Variants in CMSS1 observed in about 807,000 individuals in gnomAD.
CMSS1 encodes cms1 ribosomal small subunit homolog, also known as protein CMSS1.
In CMSS1, 33 loss-of-function variants were observed where a neutral mutation model predicts 43.5. That is an observed-to-expected ratio of 0.76 (90% CI 0.57 to 1.01). The LOEUF is 1.01. CMSS1 is among the 50% of genes least tolerant of loss of function. The probability of loss-of-function intolerance (pLI) is 0.00; values close to 1 mark genes in which losing one functional copy is unlikely to be tolerated. For missense variants in CMSS1, 313 were observed against 326.4 expected (o/e 0.96, Z 0.32); for synonymous variants, 115 against 117.2 (o/e 0.98, Z 0.12).
At chr3:99,915,446 A>T (rs1018001038) in intron 1 of CMSS1, among the ~76,000 whole-genome samples, 1 of 152,142 alleles carries the variant, frequency 6.6e-6, no homozygotes, top group Non-Finnish European at 1.5e-5. Context: ...TAGTGTGAGG[A>T]TTTTTGACAG....
chr3:99,962,623 TAATAAC>T (rs1450379365), intron 1 of CMSS1, among the ~76,000 whole-genome samples: 1 of 152,174 alleles, frequency 6.6e-6, no homozygotes, highest in Non-Finnish European at 1.5e-5. Context: ...TTATAATTAA[TAATAAC>T]AACAACAACA....
intron 6 of CMSS1, 95 bp from the exon 7 acceptor site, chr3:100,171,744 C>A: frequency 2.1e-6 from 2 of 970,310 alleles, no homozygotes; most frequent in Non-Finnish European, 3.3e-6. Context: ...CGTATGCACA[C>A]ATCCTTTGAA....
At chr3:99,927,369 T>G (rs1559691114) in intron 1 of CMSS1, among the ~76,000 whole-genome samples, 1 of 151,634 alleles carries the variant, frequency 6.6e-6, no homozygotes, top group Non-Finnish European at 1.5e-5. Context: ...ATATTTTCTT[T>G]CTGTTTTTTT....
intron 1 of CMSS1, among the ~76,000 whole-genome samples, chr3:99,829,219 G>A (rs980102436): frequency 9.5e-5 from 11 of 115,222 alleles, no homozygotes; most frequent in Non-Finnish European, 1.8e-4. Context: ...GTTTAGTGTC[G>A]TTCCATTGAT....
chr3:100,147,265 C>CTTTTTTTTT (rs71132514), intron 2 of CMSS1, among the ~76,000 whole-genome samples: 7 of 86,828 alleles, frequency 8.1e-5, no homozygotes, highest in Non-Finnish European at 1.6e-4. Flanking sequence ...AATTCTTTTT[C>CTTTTTTTTT]TTTTTTTTTT....
At chr3:99,844,216 A>G (rs1423508492) in intron 1 of CMSS1, among the ~76,000 whole-genome samples, 1 of 152,190 alleles carries the variant, frequency 6.6e-6, no homozygotes, top group African/African-American at 2.4e-5. Flanking sequence ...ACAATTAACC[A>G]GCAGAAGAGT....
At chr3:99,930,700 G>A in intron 1 of CMSS1, 2 of 1,542,794 alleles carry the variant, frequency 1.3e-6, no homozygotes, top group African/African-American at 1.4e-5. Context: ...TTCTGTGGCA[G>A]CAGGAACACC....
chr3:100,142,931 A>G (rs2107508998), intron 1 of CMSS1, among the ~76,000 whole-genome samples: 1 of 152,312 alleles, frequency 6.6e-6, no homozygotes, highest in East Asian at 1.9e-4. Flanking sequence ...GTTCAGATGG[A>G]GAGAAAACCT....
chr3:100,033,682 G>A (rs2065058126), intron 1 of CMSS1, among the ~76,000 whole-genome samples: 1 of 152,094 alleles, frequency 6.6e-6, no homozygotes, highest in Non-Finnish European at 1.5e-5. Context: ...AATAAGTTCA[G>A]AAAGTGCCTC....
chr3:99,940,755 C>A (rs1460791300), intron 1 of CMSS1, among the ~76,000 whole-genome samples: 3 of 152,232 alleles, frequency 2.0e-5, no homozygotes, highest in Non-Finnish European at 4.4e-5. Flanking sequence ...AACAATAGAT[C>A]ACCCTGAGTG....
At chr3:99,927,987 C>T (rs991944109) in intron 1 of CMSS1, among the ~76,000 whole-genome samples, 1 of 152,008 alleles carries the variant, frequency 6.6e-6, no homozygotes, top group Non-Finnish European at 1.5e-5. Flanking sequence ...CTCTAGTTTA[C>T]CCTAGACATG....
At chr3:100,072,548 C>T (rs2065780495) in intron 1 of CMSS1, among the ~76,000 whole-genome samples, 2 of 152,190 alleles carry the variant, frequency 1.3e-5, no homozygotes, top group Admixed American at 1.3e-4. Context: ...AGTTGTGACA[C>T]CTTCTCTGGC....
intron 1 of CMSS1, among the ~76,000 whole-genome samples, chr3:99,871,309 CTT>C (rs566494884): frequency 2.0e-5 from 3 of 151,362 alleles, no homozygotes; most frequent in Admixed American, 6.6e-5. Flanking sequence ...TGCAGAAACA[CTT>C]TTTTTTTGTA....
At chr3:99,833,139 A>G in intron 1 of CMSS1, 1 of 1,092,448 alleles carries the variant, frequency 9.2e-7, no homozygotes, top group Non-Finnish European at 1.4e-6. Flanking sequence ...TGGAAAGCTC[A>G]TTCATAGAAG....
chr3:100,019,382 G>T (rs1282577493), intron 1 of CMSS1, among the ~76,000 whole-genome samples: 2 of 152,080 alleles, frequency 1.3e-5, no homozygotes, highest in African/African-American at 4.8e-5. Context: ...GAATTGACAG[G>T]AGAGTAACCT....
chr3:99,959,430 G>A (rs1708430219), intron 1 of CMSS1, among the ~76,000 whole-genome samples: 3 of 152,180 alleles, frequency 2.0e-5, no homozygotes, highest in South Asian at 2.1e-4. Flanking sequence ...GATTACAGGC[G>A]TGAGCCACCG....
rs146172549 is a variant in CMSS1 at position 99,971,059 on chromosome 3, T to C, written c.64+153016T>C. Among the ~76,000 whole-genome samples, 1,201 of 152,268 alleles carry C rather than the reference T, an allele frequency of 7.9e-3. 12 individuals carry two copies. The highest frequency in any genetic ancestry group is 0.012 in the Non-Finnish European group (815 of 68,010). ...GTGTCTCTTAAGAGAATATGGGGGC[T>C]GGGCGTGGTGGCTCACGCCTGTAAT... On this transcript the variant is annotated intron_variant, in intron 1 of 9. Coordinates refer to ENST00000421999, the MANE Select transcript of CMSS1 (RefSeq NM_032359.4).
chr3:99,932,266 G>A (rs1012268641), intron 1 of CMSS1, among the ~76,000 whole-genome samples: 1 of 151,868 alleles, frequency 6.6e-6, no homozygotes. Context: ...TTAAAAACAT[G>A]TACATATATA....
intron 1 of CMSS1, among the ~76,000 whole-genome samples, chr3:99,826,554 A>G (rs1310134740): frequency 1.3e-5 from 2 of 152,230 alleles, no homozygotes; most frequent in Non-Finnish European, 2.9e-5. Context: ...CAACTTTCAC[A>G]GTGGGTTGAA....
Sources: allele counts gnomAD v4.1 joint callset (sites outside exome capture counted in the v4.1 genomes callset), GRCh38; gene constraint gnomAD v4.1.1; transcripts MANE v1.5; gene names NCBI Gene and HGNC (gene_info 2026-07-23, HGNC 2026-07-21).